Variants in PDE12 observed in about 807,000 individuals in gnomAD.
PDE12 encodes the protein phosphodiesterase 12.
In PDE12, 26 loss-of-function variants were observed where a neutral mutation model predicts 45.4. The observed-to-expected ratio is 0.57, with a 90% CI of 0.42 to 0.79. The LOEUF is 0.79. Among genes scored for constraint, PDE12 ranks in the 30% least tolerant of loss-of-function variants. The pLI is 0.00. For synonymous variants in PDE12, 283 were observed against 323.9 expected (o/e 0.87, Z 1.36); for missense variants, 668 against 790.0 (o/e 0.85, Z 1.85).
chr3:57,655,034 G>T, the PDE12 span: 12 of 161,308 alleles, frequency 7.4e-5, no homozygotes, highest in African/African-American at 2.4e-4. Flanking sequence ...TGGAAAACAA[G>T]AATTTTTTTT....
chr3:57,637,043 A>G, the PDE12 span, among the ~76,000 whole-genome samples: 1 of 152,178 alleles, frequency 6.6e-6, no homozygotes, highest in African/African-American at 2.4e-5. Flanking sequence ...AGTTGCAGAT[A>G]ATGGTAAGGA....
At chr3:57,572,363 T>C in the PDE12 span, 1 of 1,230,194 alleles carries the variant, frequency 8.1e-7, no homozygotes, top group Non-Finnish European at 1.2e-6. Flanking sequence ...GTGTTTAAAC[T>C]TTCTTAATCA....
the PDE12 span, chr3:57,597,546 T>G: frequency 6.2e-6 from 1 of 161,894 alleles, no homozygotes; most frequent in Non-Finnish European, 1.4e-5. Flanking sequence ...CGAGCATCTC[T>G]CGACGGCGCC....
the PDE12 span, among the ~76,000 whole-genome samples, chr3:57,614,198 C>T: frequency 6.6e-6 from 1 of 152,072 alleles, no homozygotes; most frequent in East Asian, 1.9e-4. Flanking sequence ...CCAACAACAG[C>T]AAAATACACA....
chr3:57,631,103 T>C, the PDE12 span: 2 of 747,222 alleles, frequency 2.7e-6, no homozygotes, highest in Non-Finnish European at 4.5e-6. Context: ...AACAACTCCA[T>C]CACTCCCCAC....
the PDE12 span, chr3:57,584,105 CTTTT>C: frequency 1.2e-6 from 1 of 849,582 alleles, no homozygotes. Context: ...TAAAGTACTT[CTTTT>C]TATTTTTAAA....
chr3:57,630,366 A>G, the PDE12 span: 2 of 1,454,186 alleles, frequency 1.4e-6, no homozygotes, highest in South Asian at 2.6e-5. Flanking sequence ...TCTAAGCATA[A>G]TTATCTTTAT....
chr3:57,579,299 C>T, the PDE12 span, among the ~76,000 whole-genome samples: 9 of 138,046 alleles, frequency 6.5e-5, no homozygotes, highest in East Asian at 1.4e-3. Context: ...CCACTAAGGG[C>T]AAAGGACTAT....
At chr3:57,643,214 G>C in the PDE12 span, among the ~76,000 whole-genome samples, 1 of 151,966 alleles carries the variant, frequency 6.6e-6, no homozygotes. Context: ...TTTAATGTGG[G>C]GCATGTTACA....
In PDE12 at chr3:57,561,339, G is replaced by C; in HGVS notation, c.*1335G>C. On this transcript the variant is annotated 3_prime_UTR_variant, in exon 3 of 3. Transcript: ENST00000311180. Reference sequence around the variant, plus strand: ...AAACAGGAAAAAGGTTGAGTAGTGGGACTTTTAAGCATCTCTGAAATAAAA... The same window carrying C: ...AAACAGGAAAAAGGTTGAGTAGTGGCACTTTTAAGCATCTCTGAAATAAAA... 5 of 984,934 alleles carry C rather than the reference G, an allele frequency of 5.1e-6. No homozygotes were observed. Among genetic ancestry groups the C allele is most frequent in the Non-Finnish European group, 4.8e-6 (4 of 829,212 alleles). 61.0% of individuals were successfully genotyped at this position (984,934 alleles called of 1,614,324 possible).
chr3:57,620,072 AT>A, the PDE12 span, among the ~76,000 whole-genome samples: 2 of 151,672 alleles, frequency 1.3e-5, no homozygotes, highest in Non-Finnish European at 2.9e-5. Context: ...AAATACAAAA[AT>A]TAGCTGGGCG....
In PDE12 at chr3:57,557,317, C is replaced by T; in HGVS notation, c.938C>T (p.Ser313Leu). 1 of 1,613,936 alleles carries T rather than the reference C, an allele frequency of 6.2e-7. No homozygotes were observed. Among genetic ancestry groups the T allele is most frequent in the Non-Finnish European group, 8.5e-7 (1 of 1,180,018 alleles). Residue 313 changes from serine to leucine, a missense_variant, in exon 1 of 3, where the codon TCG becomes TTG. Transcript: ENST00000311180. ...LADTYAQTEF[S>L]RTVLYPYCAP... Reference sequence around the variant, plus strand: ...GACACGTACGCGCAGACTGAGTTCTCGCGAACGGTTCTGTACCCATACTGT... The same window carrying T: ...GACACGTACGCGCAGACTGAGTTCTTGCGAACGGTTCTGTACCCATACTGT...
At chr3:57,643,187 G>A in the PDE12 span, among the ~76,000 whole-genome samples, 1 of 152,056 alleles carries the variant, frequency 6.6e-6, no homozygotes, top group Non-Finnish European at 1.5e-5. Flanking sequence ...ATATCAAACT[G>A]ACAGAATTTG....
chr3:57,604,589 T>C, the PDE12 span, among the ~76,000 whole-genome samples: 11 of 135,482 alleles, frequency 8.1e-5, no homozygotes, highest in Non-Finnish European at 9.4e-5. Context: ...TCTCATGTCT[T>C]TCTTTTTCTT....
the PDE12 span, among the ~76,000 whole-genome samples, chr3:57,584,880 G>A: frequency 6.6e-6 from 1 of 151,876 alleles, no homozygotes; most frequent in Non-Finnish European, 1.5e-5. Context: ...CAGGGGAGCG[G>A]GGGGACGTAT....
the PDE12 span, among the ~76,000 whole-genome samples, chr3:57,648,775 C>T: frequency 1.3e-5 from 2 of 152,012 alleles, no homozygotes; most frequent in Non-Finnish European, 2.9e-5. Context: ...GAAAAGACAC[C>T]CTATTTAACA....
the PDE12 span, among the ~76,000 whole-genome samples, chr3:57,649,638 A>AT: frequency 2.7e-5 from 4 of 148,024 alleles, no homozygotes; most frequent in Admixed American, 6.7e-5. Flanking sequence ...GTGAAAAAAA[A>AT]AAAATATATA....
At chr3:57,626,211 G>T in the PDE12 span, 93 of 152,568 alleles carry the variant, frequency 6.1e-4, no homozygotes, top group Non-Finnish European at 1.0e-3. Flanking sequence ...TAAGAACAGG[G>T]CACATTTGGG....
chr3:57,600,890 T>C, the PDE12 span: 2 of 152,100 alleles, frequency 1.3e-5, no homozygotes, highest in East Asian at 3.8e-4. Flanking sequence ...ATAAAATATT[T>C]TTCTATTCAC....
Sources: allele counts gnomAD v4.1 joint callset (sites outside exome capture counted in the v4.1 genomes callset), GRCh38; gene constraint gnomAD v4.1.1; transcripts MANE v1.5; gene names NCBI Gene and HGNC (gene_info 2026-07-23, HGNC 2026-07-21).